DCAF6: variants seen among roughly 807,000 people sequenced by gnomAD.
DCAF6 encodes the protein DDB1- and CUL4-associated factor 6.
In DCAF6, 54 loss-of-function variants were observed where a neutral mutation model predicts 125.1. That is an observed-to-expected ratio of 0.43 (90% CI 0.35 to 0.54). The LOEUF is 0.54. Among genes scored for constraint, DCAF6 ranks in the 20% least tolerant of loss-of-function variants. The pLI is 0.01. For synonymous variants in DCAF6, 371 were observed against 390.4 expected, an observed-to-expected ratio of 0.95 and a Z score of 0.58; for missense variants, 934 against 1,161.7, an observed-to-expected ratio of 0.80 and a Z score of 2.85.
Position 168,023,038 on chromosome 1 carries a change from G to A in DCAF6, c.1600G>A (p.Glu534Lys), listed in dbSNP as rs758883529. 15 of 1,613,964 alleles carry A rather than the reference G, an allele frequency of 9.3e-6. No homozygotes were observed. The highest frequency in any genetic ancestry group is 1.1e-5 in the South Asian group (1 of 91,084). The change falls in exon 12 of 22, where the codon GAG becomes AAG. Residue 534 changes from glutamate (E) to lysine (K), a missense_variant. Transcript: ENST00000367840. ...ACAGCTCGGATCCATGTCACTTGAC[G>A]AGCAACAGGGTGCGTGCAACAGGAG... The part of the protein sequence containing the change: ...NKQLGSMSLD[E>K]QQDNNNEKLS...
the DCAF6 span, among the ~76,000 whole-genome samples, chr1:167,866,750 TA>T: frequency 7.5e-3 from 925 of 122,992 alleles, 2 homozygotes; most frequent in African/African-American, 0.014. Flanking sequence ...AAAGTTCACT[TA>T]AAAAAAAAAA....
the DCAF6 span, chr1:167,880,170 G>A: frequency 6.2e-7 from 1 of 1,613,512 alleles, no homozygotes; most frequent in Non-Finnish European, 8.5e-7. Context: ...CAATCCCACT[G>A]GCAACACCGA....
intron 7 of DCAF6, among the ~76,000 whole-genome samples, chr1:167,999,313 A>C (rs1682241027): frequency 2.0e-5 from 3 of 152,118 alleles, no homozygotes; most frequent in Non-Finnish European, 4.4e-5. Context: ...ATTCAATTAA[A>C]CATAATTCTT....
intron 16 of DCAF6, among the ~76,000 whole-genome samples, chr1:168,050,612 T>G (rs1046229433): frequency 5.3e-5 from 8 of 152,168 alleles, no homozygotes; most frequent in African/African-American, 1.9e-4. Flanking sequence ...TCCCATACTG[T>G]GACAGGATTG....
the DCAF6 span, among the ~76,000 whole-genome samples, chr1:167,868,101 C>G: frequency 6.6e-6 from 1 of 152,142 alleles, no homozygotes; most frequent in Non-Finnish European, 1.5e-5. Context: ...TCTCCGGAAC[C>G]AGTATTTCAG....
the DCAF6 span, among the ~76,000 whole-genome samples, chr1:167,882,301 A>AT: frequency 6.6e-6 from 1 of 152,088 alleles, no homozygotes; most frequent in Non-Finnish European, 1.5e-5. Context: ...CCTGGCCAAC[A>AT]TGGCGAAACC....
the DCAF6 span, chr1:167,899,352 G>T: frequency 6.7e-7 from 1 of 1,485,300 alleles, no homozygotes; most frequent in Non-Finnish European, 9.4e-7. Flanking sequence ...AGCGTGCCCA[G>T]TGACTCTTCT....
At chr1:167,966,111 G>A (rs1326032843) in intron 2 of DCAF6, among the ~76,000 whole-genome samples, 1 of 152,020 alleles carries the variant, frequency 6.6e-6, no homozygotes, top group African/African-American at 2.4e-5. Context: ...CAATCTAGGG[G>A]GTAGCATTTT....
chr1:167,887,199 T>C, the DCAF6 span, among the ~76,000 whole-genome samples: 104 of 152,304 alleles, frequency 6.8e-4, no homozygotes, highest in African/African-American at 2.4e-3. Flanking sequence ...TTACTGGGTA[T>C]GTACCCAAAG....
At chr1:167,956,745 T>G (rs1453379539) in intron 2 of DCAF6, among the ~76,000 whole-genome samples, 2 of 152,146 alleles carry the variant, frequency 1.3e-5, no homozygotes, top group African/African-American at 4.8e-5. Context: ...ATCCATAAAT[T>G]GAGATATGTT....
chr1:167,918,305 A>T, the DCAF6 span: 21 of 1,560,238 alleles, frequency 1.3e-5, no homozygotes, highest in Non-Finnish European at 1.8e-5. Context: ...TAGATTGTTC[A>T]GGTGATCAGG....
At chr1:168,045,385 A>C (rs182612230) in intron 16 of DCAF6, among the ~76,000 whole-genome samples, 158 bp downstream of exon 16, 1 of 152,334 alleles carries the variant, frequency 6.6e-6, no homozygotes, top group Admixed American at 6.5e-5. Flanking sequence ...ACTGTAAATG[A>C]TTTTACGTAT....
At chr1:168,018,709 T>G (rs1685292112) in intron 11 of DCAF6, among the ~76,000 whole-genome samples, 1 of 152,254 alleles carries the variant, frequency 6.6e-6, no homozygotes, top group African/African-American at 2.4e-5. Context: ...ACAACTCATT[T>G]AGGAAATACA....
intron 8 of DCAF6, 141 bp downstream of exon 8, chr1:168,002,716 GA>G: frequency 3.4e-6 from 2 of 590,480 alleles, no homozygotes; most frequent in Non-Finnish European, 5.6e-6. Context: ...TATATCTTAG[GA>G]TAAATTCTTA....
intron 12 of DCAF6, 33 bp from the exon 13 acceptor site, chr1:168,038,338 G>T: frequency 1.3e-6 from 2 of 1,498,068 alleles, no homozygotes; most frequent in South Asian, 1.2e-5. Context: ...TGGTTTCAGA[G>T]ACTTTTTCAA....
At chr1:168,044,562 A>G in intron 14 of DCAF6, 23 bp from the exon 15 acceptor site, 2 of 1,545,206 alleles carry the variant, frequency 1.3e-6, no homozygotes, top group Admixed American at 1.7e-5. Context: ...CCAAGGGATG[A>G]CTGTAATTTG....
At chr1:168,053,940 C>T (rs1572113072) in intron 17 of DCAF6, among the ~76,000 whole-genome samples, 1 of 152,142 alleles carries the variant, frequency 6.6e-6, no homozygotes, top group African/African-American at 2.4e-5. Context: ...CAGCATCAGA[C>T]CTGCTATCCC....
intron 2 of DCAF6, among the ~76,000 whole-genome samples, chr1:167,952,877 CAAATGTA>C (rs1674186881): frequency 6.6e-6 from 1 of 152,120 alleles, no homozygotes; most frequent in Non-Finnish European, 1.5e-5. Flanking sequence ...ATAAAAATTT[CAAATGTA>C]CTTTTCATGT....
chr1:168,026,552 AGTTGAAAG>A (rs911468969), intron 12 of DCAF6, among the ~76,000 whole-genome samples: 3 of 152,160 alleles, frequency 2.0e-5, no homozygotes, highest in Admixed American at 2.0e-4. Flanking sequence ...TTTTAAAAAT[AGTTGAAAG>A]GTTGAATTCA....
Sources: allele counts gnomAD v4.1 joint callset (sites outside exome capture counted in the v4.1 genomes callset), GRCh38; gene constraint gnomAD v4.1.1; transcripts MANE v1.5; gene names NCBI Gene and HGNC (gene_info 2026-07-23, HGNC 2026-07-21).